The following USH2A variants were observed in gnomAD, a reference collection of about 807,000 sequenced individuals.
USH2A encodes the protein usherin, also known as Usher syndrome 2A (autosomal recessive, mild).
In USH2A, 443 loss-of-function variants were observed where a neutral mutation model predicts 538.9. The observed-to-expected ratio is 0.82, with a 90% CI of 0.76 to 0.89. The LOEUF (loss-of-function observed/expected upper bound fraction) is 0.89, where lower values mean the gene tolerates loss of function less well. USH2A is among the 40% of genes least tolerant of loss of function. USH2A has a pLI of 0.00. For missense variants in USH2A, 6,633 were observed against 6,324.8 expected (o/e 1.05, Z -1.65); for synonymous variants, 2,413 against 2,273.5 (o/e 1.06, Z -1.75).
intron 11 of USH2A, among the ~76,000 whole-genome samples, chr1:216,262,054 A>G (rs2036384202): frequency 6.6e-6 from 1 of 152,192 alleles, no homozygotes; most frequent in South Asian, 2.1e-4. Context: ...TCTAGAACTT[A>G]TCTACAGGAG....
intron 61 of USH2A, among the ~76,000 whole-genome samples, chr1:215,691,624 T>C (rs894980870): frequency 3.9e-5 from 6 of 152,224 alleles, no homozygotes; most frequent in Admixed American, 2.0e-4. Context: ...TAAGCACTCA[T>C]CACCTTCTAA....
At chr1:215,627,438 TTCC>T (rs1558027496) in intron 71 of USH2A, among the ~76,000 whole-genome samples, 14,275 of 100,554 alleles carry the variant, frequency 0.14, 2,063 homozygotes, top group Non-Finnish European at 0.2. Flanking sequence ...CCTTCCTTCC[TTCC>T]TTCCTTCCTT....
At chr1:216,120,511 C>CT (rs1176306131) in intron 21 of USH2A, among the ~76,000 whole-genome samples, 3 of 151,732 alleles carry the variant, frequency 2.0e-5, no homozygotes, top group Non-Finnish European at 4.4e-5. Context: ...TCCCGAGTAG[C>CT]TGGGACTACA....
chr1:215,760,505 C>G (rs903033917), intron 56 of USH2A, among the ~76,000 whole-genome samples: 1 of 152,136 alleles, frequency 6.6e-6, no homozygotes, highest in East Asian at 1.9e-4. Flanking sequence ...AAAGGCATAT[C>G]TCTAGATTGA....
chr1:215,771,248 T>C (rs1425932489), intron 55 of USH2A, among the ~76,000 whole-genome samples: 2 of 151,560 alleles, frequency 1.3e-5, no homozygotes, highest in East Asian at 3.9e-4. Context: ...ACAAAAACGA[T>C]GACATAAATA....
intron 9 of USH2A, among the ~76,000 whole-genome samples, chr1:216,321,189 TC>T (rs2037601813): frequency 6.6e-6 from 1 of 152,168 alleles, no homozygotes; most frequent in Non-Finnish European, 1.5e-5. Context: ...TTATCTACTC[TC>T]ATTATTGGTA....
At chr1:215,721,806 G>A (rs567715602) in intron 61 of USH2A, among the ~76,000 whole-genome samples, 2 of 152,282 alleles carry the variant, frequency 1.3e-5, no homozygotes, top group East Asian at 3.9e-4. Flanking sequence ...GCTCAAGCCT[G>A]TAATTCCAAC....
At chr1:215,758,468 G>C in intron 58 of USH2A, 127 bp downstream of exon 58, 2 of 1,186,684 alleles carry the variant, frequency 1.7e-6, no homozygotes, top group East Asian at 2.5e-5. Context: ...AGATTTTTCT[G>C]TTCATATTTA....
At chr1:216,228,949 G>A (rs1483635141) in intron 14 of USH2A, among the ~76,000 whole-genome samples, 2 of 151,998 alleles carry the variant, frequency 1.3e-5, no homozygotes, top group African/African-American at 2.4e-5. Context: ...CGAGGTGGGC[G>A]GATCACGAGT....
intron 37 of USH2A, among the ~76,000 whole-genome samples, chr1:215,948,291 A>AT (rs989559053): frequency 4.6e-5 from 7 of 151,400 alleles, no homozygotes; most frequent in East Asian, 1.9e-4. Flanking sequence ...CTACAAAAGA[A>AT]TTTTTTTTTA....
Position 215,647,461 on chromosome 1 carries a change from C to G in USH2A, c.14791+61G>C. The G allele has an allele frequency of 8.1e-6, 13 of 1,604,886 alleles. No homozygotes were observed. In the East Asian group the frequency reaches 8.9e-5, roughly 11 times the overall value. On this transcript the variant is annotated intron_variant, in intron 67 of 71. Transcript: ENST00000307340. The stretch of plus-strand genomic sequence containing the variant: ...AAAGTGGCTTCTCCGAGTTTCAGGG[C>G]AAGCTTCTCCTGACCACATTCCAAT...
At chr1:216,301,333 A>C (rs2037213749) in intron 9 of USH2A, among the ~76,000 whole-genome samples, 1 of 152,152 alleles carries the variant, frequency 6.6e-6, no homozygotes, top group African/African-American at 2.4e-5. Flanking sequence ...TGGAAGCTTA[A>C]GTTCATAATG....
intron 21 of USH2A, among the ~76,000 whole-genome samples, chr1:216,166,694 G>A (rs1037710018): frequency 2.0e-5 from 3 of 152,058 alleles, no homozygotes; most frequent in Non-Finnish European, 2.9e-5. Flanking sequence ...CAAGGTTTCC[G>A]CCTAAGGCAA....
At chr1:215,736,900 C>A (rs1008404431) in intron 60 of USH2A, among the ~76,000 whole-genome samples, 2 of 151,930 alleles carry the variant, frequency 1.3e-5, no homozygotes, top group African/African-American at 2.4e-5. Context: ...ACTTAGGAAT[C>A]CTCAACAATT....
chr1:216,293,755 A>G (rs79130551), intron 9 of USH2A, among the ~76,000 whole-genome samples: 390 of 152,328 alleles, frequency 2.6e-3, no homozygotes, highest in Non-Finnish European at 3.7e-3. Flanking sequence ...CTTCTCTTCT[A>G]TAAATAAACT....
In USH2A at chr1:215,893,638, A is replaced by G. The variant is rs561086470; in HGVS notation, c.7595-4584T>C. Among the ~76,000 whole-genome samples, 40 of 151,992 alleles carry G rather than the reference A, an allele frequency of 2.6e-4. 1 individual carries two copies. The South Asian group carries it at 8.1e-3, about 31-fold the overall frequency. On this transcript the variant is annotated intron_variant, in intron 40 of 71. Coordinates refer to ENST00000307340, the MANE Select transcript of USH2A (RefSeq NM_206933.4). ...TAAAATTATTTTTCATTAATTTCTT[A>G]AAGTAAACATAAAAAACTTGATTTT...
intron 16 of USH2A, among the ~76,000 whole-genome samples, chr1:216,203,836 G>A (rs2035052115): frequency 6.6e-6 from 1 of 152,224 alleles, no homozygotes; most frequent in East Asian, 1.9e-4. Context: ...ATTGTTACAT[G>A]TAAAAATAAT....
chr1:216,062,398 A>C (rs1054834788), intron 30 of USH2A, among the ~76,000 whole-genome samples: 7 of 152,192 alleles, frequency 4.6e-5, no homozygotes, highest in African/African-American at 1.7e-4. Context: ...AAATCATCTT[A>C]GAAGTTTCAA....
At chr1:216,161,213 C>T (rs116303855) in intron 21 of USH2A, among the ~76,000 whole-genome samples, 2,176 of 152,160 alleles carry the variant, frequency 0.014, 47 homozygotes, top group African/African-American at 0.049. Context: ...TTTATGTTCA[C>T]CACAGTGGTA....
Sources: allele counts gnomAD v4.1 joint callset (sites outside exome capture counted in the v4.1 genomes callset), GRCh38; gene constraint gnomAD v4.1.1; transcripts MANE v1.5; gene names NCBI Gene and HGNC (gene_info 2026-07-23, HGNC 2026-07-21).